The following WHRN variants were observed in gnomAD, a reference collection of about 807,000 sequenced individuals.
WHRN encodes the protein whirlin.
Under a neutral mutation model 68.3 loss-of-function variants are expected in WHRN, and 41 were observed. The observed-to-expected ratio is 0.60, with a 90% CI of 0.47 to 0.78. The LOEUF (loss-of-function observed/expected upper bound fraction) is 0.78. Ranked by LOEUF, WHRN falls within the 30% of genes least tolerant of loss-of-function variation. The pLI, the probability that WHRN is intolerant of heterozygous loss-of-function variation, is 0.00. For synonymous variants in WHRN, 560 were observed against 561.3 expected (o/e 1.00, Z 0.03); for missense variants, 1,243 against 1,244.7 (o/e 1.00, Z 0.02).
intron 8 of WHRN, 78 bp downstream of exon 8, chr9:114,407,869 C>T: frequency 8.0e-7 from 1 of 1,256,666 alleles, no homozygotes; most frequent in Non-Finnish European, 1.1e-6. Context: ...TTCTCCGTGG[C>T]TGTCATGGAG....
intron 8 of WHRN, among the ~76,000 whole-genome samples, chr9:114,407,304 G>A (rs1236931673): frequency 6.6e-6 from 1 of 152,240 alleles, no homozygotes; most frequent in African/African-American, 2.4e-5. Flanking sequence ...AGAATGGACA[G>A]GAGGAGATGG....
At chr9:114,454,720 A>AT (rs1011001801) in intron 3 of WHRN, among the ~76,000 whole-genome samples, 14 of 151,788 alleles carry the variant, frequency 9.2e-5, no homozygotes, top group Non-Finnish European at 1.5e-4. Flanking sequence ...GCTGATTCTA[A>AT]TTTTTTTTAT....
Position 114,402,849 on chromosome 9 carries a change from G to A in WHRN, c.2629C>T (p.His877Tyr), listed in dbSNP as rs1272154833. ...VNGLTLRGKE[H>Y]REAARIIAEA... ...GCGATAATGCGGGCGGCCTCCCGGT[G>A]CTCCTTGCCCCGAAGCGTCAGCCCA... is the stretch of plus-strand genomic sequence containing the variant. Residue 877 changes from histidine to tyrosine, a missense_variant, in exon 12 of 12, where the codon CAC (histidine) becomes TAC (tyrosine). By Grantham distance (83) the His-to-Tyr change is moderately conservative (BLOSUM62 2). Transcript: ENST00000362057. 1 of 1,613,986 alleles carries A rather than the reference G, an allele frequency of 6.2e-7. No homozygotes were observed. Among genetic ancestry groups the A allele is most frequent in the African/African-American group, 1.3e-5 (1 of 74,950 alleles).
At chr9:114,484,653 C>T (rs1423238897) in intron 1 of WHRN, among the ~76,000 whole-genome samples, 1 of 152,202 alleles carries the variant, frequency 6.6e-6, no homozygotes, top group African/African-American at 2.4e-5. Context: ...ATTCCACCAA[C>T]TCAAATCATA....
At position 114,439,053 on chromosome 9, in the gene WHRN, G is replaced by T. The variant is rs149822462; in HGVS notation, c.964-12640C>A. Among the ~76,000 whole-genome samples the T allele has an allele frequency of 1.3e-4, 20 of 149,314 alleles. No individual in the cohort carries two copies. The East Asian group carries it at 3.8e-3, about 28-fold the overall frequency. On this transcript the variant is annotated intron_variant, in intron 3 of 11. Coordinates refer to ENST00000362057, the MANE Select transcript of WHRN (RefSeq NM_015404.4). Reference sequence around the variant, plus strand: ...AGCATGCTATCTTTTATAGAAGAAAGAAAGCATATAGATATAAATCTGCTT... The same window carrying T: ...AGCATGCTATCTTTTATAGAAGAAATAAAGCATATAGATATAAATCTGCTT...
chr9:114,435,010 C>T (rs998667036), intron 3 of WHRN, among the ~76,000 whole-genome samples: 4 of 152,130 alleles, frequency 2.6e-5, no homozygotes, highest in African/African-American at 9.7e-5. Context: ...GTTCCTCTGC[C>T]CAAAACGTAT....
At chr9:114,458,333 C>T (rs912377507) in intron 3 of WHRN, among the ~76,000 whole-genome samples, 6 of 152,130 alleles carry the variant, frequency 3.9e-5, no homozygotes, top group Non-Finnish European at 8.8e-5. Flanking sequence ...AAGATTTTGA[C>T]TAAGTTGTTG....
At chr9:114,466,204 A>G in intron 3 of WHRN, 63 bp downstream of exon 3, 1 of 1,609,554 alleles carries the variant, frequency 6.2e-7, no homozygotes, top group Non-Finnish European at 8.5e-7. Flanking sequence ...CTGGAGGTCT[A>G]TTTAAAATCA....
intron 9 of WHRN, among the ~76,000 whole-genome samples, chr9:114,404,385 C>A (rs1168871032): frequency 6.6e-6 from 1 of 152,258 alleles, no homozygotes; most frequent in Non-Finnish European, 1.5e-5. Flanking sequence ...GCAAACCTAG[C>A]CCACAGATGT....
intron 1 of WHRN, among the ~76,000 whole-genome samples, chr9:114,484,217 G>T (rs1262098552): frequency 6.6e-6 from 1 of 152,200 alleles, no homozygotes; most frequent in Non-Finnish European, 1.5e-5. Flanking sequence ...CTGCCCCTCC[G>T]AGGCCACGGC....
In WHRN at chr9:114,406,337, T is replaced by A. The variant is rs752298678; in HGVS notation, c.2236+18A>T. The A allele has an allele frequency of 7.4e-6, 12 of 1,613,710 alleles. No individual in the cohort carries two copies. Among genetic ancestry groups the A allele is most frequent in the Admixed American group, 1.7e-5 (1 of 60,008 alleles). On this transcript the variant is annotated intron_variant, in intron 9 of 11. Coordinates refer to ENST00000362057, the MANE Select transcript of WHRN (RefSeq NM_015404.4). ...AGGGACCCCCAAGGACCACAGAGCC[T>A]GGCCTTGCTGTACTCACTGCGCGTC...
At chr9:114,435,011 C>T (rs1244654717) in intron 3 of WHRN, among the ~76,000 whole-genome samples, 1 of 152,174 alleles carries the variant, frequency 6.6e-6, no homozygotes, top group Non-Finnish European at 1.5e-5. Context: ...TTCCTCTGCC[C>T]AAAACGTATT....
chr9:114,449,744 A>C (rs1284896504), intron 3 of WHRN, among the ~76,000 whole-genome samples: 3 of 152,184 alleles, frequency 2.0e-5, no homozygotes, highest in Non-Finnish European at 2.9e-5. Context: ...GTTCATCATC[A>C]ATGTCAATTC....
At chr9:114,481,693 G>A (rs1414961598) in intron 1 of WHRN, among the ~76,000 whole-genome samples, 4 of 152,158 alleles carry the variant, frequency 2.6e-5, no homozygotes, top group Non-Finnish European at 1.5e-5. Flanking sequence ...CTCCTTCCTA[G>A]ACAGACTGCA....
chr9:114,480,207 C>A (rs1295090648), intron 1 of WHRN, among the ~76,000 whole-genome samples: 3 of 152,104 alleles, frequency 2.0e-5, no homozygotes, highest in Admixed American at 1.3e-4. Context: ...AACTCTACAG[C>A]CTGGGGTGGA....
At chr9:114,486,887 T>C (rs1167433680) in intron 1 of WHRN, among the ~76,000 whole-genome samples, 1 of 34,970 alleles carries the variant, frequency 2.9e-5, no homozygotes, top group African/African-American at 1.4e-4. Context: ...ATTAAATTAG[T>C]GTGTGTGTGT....
intron 3 of WHRN, among the ~76,000 whole-genome samples, chr9:114,459,274 A>G (rs1840052598): frequency 6.7e-6 from 1 of 149,452 alleles, no homozygotes. Flanking sequence ...CCTGGCCAAC[A>G]TGGTTAAATC....
intron 1 of WHRN, among the ~76,000 whole-genome samples, chr9:114,484,157 G>A (rs1405878455): frequency 2.0e-5 from 3 of 152,188 alleles, no homozygotes; most frequent in Admixed American, 6.5e-5. Context: ...CCCCAACTCG[G>A]CACTATCAGC....
rs148200838 is a variant in WHRN, at chr9:114,487,343, C to T, written c.619-8572G>A. 3.4e-3 allele frequency among the ~76,000 whole-genome samples: 518 copies of T among 151,810 alleles called. 2 individuals carry two copies. The highest frequency in any genetic ancestry group is 0.012 in the African/African-American group (496 of 41,360). ...GACTTGCTCTTGTACTTTATAAACA[C>T]GTATATATACATATACAAGCTTATC... is the stretch of plus-strand genomic sequence containing the variant. On this transcript the variant is annotated intron_variant, in intron 1 of 11. Coordinates refer to ENST00000362057, the MANE Select transcript of WHRN (RefSeq NM_015404.4).
Sources: allele counts gnomAD v4.1 joint callset (sites outside exome capture counted in the v4.1 genomes callset), GRCh38; gene constraint gnomAD v4.1.1; transcripts MANE v1.5; gene names NCBI Gene and HGNC (gene_info 2026-07-23, HGNC 2026-07-21).